Variants in RAPH1 observed in about 807,000 individuals in gnomAD.
RAPH1 encodes the protein ras-associated and pleckstrin homology domains-containing protein 1.
Under a neutral mutation model 88.1 loss-of-function variants are expected in RAPH1, and 18 were observed. The observed-to-expected ratio is 0.20, with a 90% CI of 0.14 to 0.30. RAPH1 has a LOEUF of 0.30. RAPH1 is among the 10% of genes least tolerant of loss of function. The probability of loss-of-function intolerance (pLI) is 1.00; values close to 1 mark genes in which losing one functional copy is unlikely to be tolerated. For missense variants in RAPH1, 1,448 were observed against 1,543.2 expected (o/e 0.94, Z 1.03); for synonymous variants, 587 against 559.0 (o/e 1.05, Z -0.71).
At chr2:203,488,314 T>A (rs913080380) in intron 4 of RAPH1, among the ~76,000 whole-genome samples, 1 of 149,246 alleles carries the variant, frequency 6.7e-6, no homozygotes, top group African/African-American at 2.5e-5. Flanking sequence ...TTACGAACTC[T>A]GGCTGGGCGC....
intron 4 of RAPH1, among the ~76,000 whole-genome samples, chr2:203,487,848 G>A (rs1327478481): frequency 1.3e-5 from 2 of 152,000 alleles, no homozygotes; most frequent in Non-Finnish European, 2.9e-5. Flanking sequence ...GTGCTCCACA[G>A]TACCAAAAAC....
At chr2:203,494,101 T>C (rs1195727002) in intron 2 of RAPH1, among the ~76,000 whole-genome samples, 1 of 151,094 alleles carries the variant, frequency 6.6e-6, no homozygotes, top group Non-Finnish European at 1.5e-5. Flanking sequence ...ACACGAAGAG[T>C]TTATCACTTT....
intron 2 of RAPH1, among the ~76,000 whole-genome samples, chr2:203,492,565 T>C (rs1373823237): frequency 6.6e-6 from 1 of 152,194 alleles, no homozygotes; most frequent in Non-Finnish European, 1.5e-5. Context: ...TAAGTTTAAA[T>C]GATACTCTTC....
intron 1 of RAPH1, among the ~76,000 whole-genome samples, chr2:203,504,035 C>T (rs1479437035): frequency 6.6e-6 from 1 of 152,220 alleles, no homozygotes; most frequent in Non-Finnish European, 1.5e-5. Context: ...TCCCTCCTGG[C>T]TGCTTTCACG....
At chr2:203,479,467 G>A (rs1012131016) in intron 4 of RAPH1, among the ~76,000 whole-genome samples, 3 of 152,030 alleles carry the variant, frequency 2.0e-5, no homozygotes, top group African/African-American at 2.4e-5. Context: ...AGCCAGGGGT[G>A]GTGACTCGTG....
intron 13 of RAPH1, chr2:203,442,137 A>C (rs1333203295): frequency 6.6e-7 from 1 of 1,516,094 alleles, no homozygotes; most frequent in Non-Finnish European, 8.9e-7. Flanking sequence ...CTGTAAAAAT[A>C]TCATACAGAA....
chr2:203,517,267 G>GTATT (rs924027653), intron 1 of RAPH1, among the ~76,000 whole-genome samples: 4 of 140,442 alleles, frequency 2.8e-5, no homozygotes, highest in Non-Finnish European at 4.5e-5. Flanking sequence ...ATAAAGAAGG[G>GTATT]TATTACATAA....
chr2:203,490,029 A>G lies in RAPH1; in HGVS notation c.287T>C (p.Ile96Thr), dbSNP rs779363495. The G allele has an allele frequency of 4.3e-6, 7 of 1,614,100 alleles. No individual in the cohort carries two copies. The highest frequency in any genetic ancestry group is 2.7e-5 in the African/African-American group (2 of 74,950). The change falls in exon 4 of 14, where the codon ATA becomes ACA. Residue 96 changes from isoleucine (I) to threonine (T), a missense_variant. Ile to Thr is a moderately conservative substitution (Grantham distance 89). Around this residue, in one of 2 missense-constraint regions of RAPH1, gnomAD observed 513 missense variants for 653.1 expected, o/e 0.79. Coordinates refer to ENST00000319170, the MANE Select transcript of RAPH1 (RefSeq NM_213589.3). Reference sequence around the variant, plus strand: ...ACCAATGCTGCTGAGCTCCTGCTCTATAGAGCAAAGATCAGCCATCAAGGC... The same window carrying G: ...ACCAATGCTGCTGAGCTCCTGCTCTGTAGAGCAAAGATCAGCCATCAAGGC... ...LDALMADLCS[I>T]EQELSSIGSG... is the part of the protein sequence containing the mutation.
chr2:203,505,131 T>A (rs1449374450), intron 1 of RAPH1, among the ~76,000 whole-genome samples: 1 of 152,150 alleles, frequency 6.6e-6, no homozygotes, highest in Non-Finnish European at 1.5e-5. Flanking sequence ...ACTTCTACGT[T>A]TTTGGGTATC....
chr2:203,511,519 T>TAG (rs1216715014), intron 1 of RAPH1, among the ~76,000 whole-genome samples: 1 of 152,206 alleles, frequency 6.6e-6, no homozygotes, highest in Non-Finnish European at 1.5e-5. Flanking sequence ...AAATGACTAT[T>TAG]AGTAAGGGTT....
At chr2:203,446,666 T>C (rs2098509968) in intron 12 of RAPH1, 1 of 152,212 alleles carries the variant, frequency 6.6e-6, no homozygotes, top group Non-Finnish European at 1.5e-5. Context: ...ATATTACTTA[T>C]TGTATTGCTC....
At chr2:203,472,759 T>C (rs1205774077) in intron 4 of RAPH1, among the ~76,000 whole-genome samples, 2 of 152,186 alleles carry the variant, frequency 1.3e-5, no homozygotes, top group East Asian at 3.8e-4. Flanking sequence ...TTGGTAAATG[T>C]AATTCCAAAC....
At position 203,489,987 on chromosome 2, in the gene RAPH1, C is replaced by T. The variant is rs767619139; in HGVS notation, c.329G>A (p.Arg110His). 14 of 1,614,064 alleles carry T rather than the reference C, an allele frequency of 8.7e-6. No homozygotes were observed. The African/African-American group carries it at 1.3e-4, about 15-fold the overall frequency. ...AGTAGCTTTCGTTTCTGTGATTTGA[C>T]GCTTACTGTTTCCTGAACCAATGCT... ...LSSIGSGNSK[R>H]QITETKATQK... Residue 110 changes from arginine to histidine, a missense_variant, in exon 4 of 14, where the codon CGT becomes CAT. This residue lies in a region of RAPH1 where 513 missense variants were observed against 653.1 expected (regional missense o/e 0.79). Transcript: ENST00000319170.
At chr2:203,491,044 CAAA>C (rs1234982757) in intron 3 of RAPH1, among the ~76,000 whole-genome samples, 167 bp downstream of exon 3, 4 of 52,738 alleles carry the variant, frequency 7.6e-5, no homozygotes, top group Admixed American at 4.2e-4. Flanking sequence ...AACTCTGTCT[CAAA>C]AAAAAAAAAA....
intron 4 of RAPH1, among the ~76,000 whole-genome samples, chr2:203,487,811 C>T (rs775821121): frequency 2.0e-5 from 3 of 152,012 alleles, no homozygotes; most frequent in Non-Finnish European, 4.4e-5. Context: ...AGTTTATCTC[C>T]AAACCACCAT....
chr2:203,504,867 A>G (rs545861059), intron 1 of RAPH1, among the ~76,000 whole-genome samples: 2 of 152,314 alleles, frequency 1.3e-5, no homozygotes, highest in Non-Finnish European at 2.9e-5. Context: ...ACAAATCTCT[A>G]GCGCAGGGGC....
intron 1 of RAPH1, among the ~76,000 whole-genome samples, chr2:203,528,480 T>C (rs1279921758): frequency 6.6e-6 from 1 of 152,236 alleles, no homozygotes; most frequent in Non-Finnish European, 1.5e-5. Context: ...AATTGATGGA[T>C]ACAAACTTAA....
chr2:203,514,317 C>A (rs1689498753), intron 1 of RAPH1, among the ~76,000 whole-genome samples: 1 of 152,212 alleles, frequency 6.6e-6, no homozygotes, highest in Non-Finnish European at 1.5e-5. Context: ...TAGAAATTGT[C>A]TGAGGTGCTT....
Position 203,489,880 on chromosome 2 carries a change from G to C in RAPH1, c.436C>G (p.Pro146Ala). 1 of 1,614,228 alleles carries C rather than the reference G, an allele frequency of 6.2e-7. No individual in the cohort carries two copies. The highest frequency in any genetic ancestry group is 8.5e-7 in the Non-Finnish European group (1 of 1,180,046). Residue 146 changes from proline (P) to alanine (A), a missense_variant, in exon 4 of 14, where the codon CCT becomes GCT. Physicochemically the swap from Pro to Ala is conservative, Grantham distance 27. This residue lies in a region of RAPH1 where 513 missense variants were observed against 653.1 expected (regional missense o/e 0.79). Coordinates refer to ENST00000319170, the MANE Select transcript of RAPH1 (RefSeq NM_213589.3). ...LSSSSNRIAK[P>A]SHASYSLDDV... is the part of the protein sequence containing the mutation. ...TCCAAGGAGTAGCTGGCATGGGAAGGTTTAGCTATCCTATTAGATGAAGAA... is the reference window on the plus strand; with the variant it reads ...TCCAAGGAGTAGCTGGCATGGGAAGCTTTAGCTATCCTATTAGATGAAGAA...
Sources: allele counts gnomAD v4.1 joint callset (sites outside exome capture counted in the v4.1 genomes callset), GRCh38; gene constraint gnomAD v4.1.1; regional missense constraint gnomAD v4.1.1; transcripts MANE v1.5; gene names NCBI Gene and HGNC (gene_info 2026-07-23, HGNC 2026-07-21).